FOXP1: variants seen among roughly 807,000 people sequenced by gnomAD.
The protein encoded by FOXP1 is forkhead box protein P1.
A neutral mutation model predicts 98.2 loss-of-function variants in FOXP1; 15 were observed. That is an observed-to-expected ratio of 0.15 (90% confidence interval 0.10 to 0.24). The LOEUF (loss-of-function observed/expected upper bound fraction) is 0.24, where lower values mean the gene tolerates loss of function less well. FOXP1 is among the 10% of genes least tolerant of loss of function. FOXP1 has a pLI of 1.00. For missense variants in FOXP1, 633 were observed against 848.5 expected (o/e 0.75, Z 3.15); for synonymous variants, 371 against 314.5 (o/e 1.18, Z -1.90).
At chr3:71,263,820 C>T (rs1455371504) in intron 5 of FOXP1, among the ~76,000 whole-genome samples, 1 of 151,992 alleles carries the variant, frequency 6.6e-6, no homozygotes, top group Non-Finnish European at 1.5e-5. Flanking sequence ...TCACGGCTCA[C>T]TACAGCCTCG....
intron 4 of FOXP1, among the ~76,000 whole-genome samples, chr3:71,337,266 T>C (rs2076741732): frequency 6.6e-6 from 1 of 152,222 alleles, no homozygotes; most frequent in Admixed American, 6.5e-5. Context: ...TATGTAAATA[T>C]ATACAAATAC....
At chr3:71,259,536 A>G (rs974859521) in intron 5 of FOXP1, among the ~76,000 whole-genome samples, 2 of 152,224 alleles carry the variant, frequency 1.3e-5, no homozygotes, top group African/African-American at 4.8e-5. Context: ...TCCTAAGTCT[A>G]TGATCCCTGT....
At chr3:70,989,075 A>G (rs2040208804) in intron 13 of FOXP1, among the ~76,000 whole-genome samples, 1 of 152,160 alleles carries the variant, frequency 6.6e-6, no homozygotes, top group African/African-American at 2.4e-5. Context: ...CACATAATTA[A>G]CCTTAAATCC....
Position 71,560,075 on chromosome 3 carries a change from C to G in FOXP1, c.-298+21474G>C, listed in dbSNP as rs553965028. ...AGAGATGGAAAGAGGCAGCCACCCC[C>G]TGACAACACTGTTTTAGCACCTGGC... is the stretch of plus-strand genomic sequence containing the variant. On this transcript the variant is annotated intron_variant, in intron 2 of 20. Coordinates refer to ENST00000649528, the MANE Select transcript of FOXP1 (RefSeq NM_001349338.3). Among the ~76,000 whole-genome samples the G allele has an allele frequency of 2.8e-3, 426 of 152,272 alleles. 1 individual carries two copies. Among genetic ancestry groups the G allele is most frequent in the Non-Finnish European group, 4.5e-3 (303 of 68,032 alleles).
intron 18 of FOXP1, chr3:70,971,987 A>AG: frequency 2.9e-6 from 4 of 1,360,624 alleles, no homozygotes; most frequent in Non-Finnish European, 3.8e-6. Flanking sequence ...GAAAAAAAAA[A>AG]CAAAAGCAAG....
intron 5 of FOXP1, chr3:71,296,370 G>A (rs907682233): frequency 6.6e-6 from 1 of 152,114 alleles, no homozygotes; most frequent in South Asian, 2.1e-4. Flanking sequence ...TATTCATCAG[G>A]AAGAAACGCT....
At chr3:71,160,181 G>A (rs767175416) in intron 6 of FOXP1, among the ~76,000 whole-genome samples, 2 of 151,632 alleles carry the variant, frequency 1.3e-5, no homozygotes, top group Non-Finnish European at 2.9e-5. Flanking sequence ...TGCCGTGTAT[G>A]TATTTCTTTT....
chr3:71,220,366 G>A (rs2065265550), intron 5 of FOXP1, among the ~76,000 whole-genome samples: 1 of 152,074 alleles, frequency 6.6e-6, no homozygotes, highest in Non-Finnish European at 1.5e-5. Context: ...TGAGGGAACA[G>A]GCCACTTTCA....
At chr3:71,312,803 C>T (rs542674505) in intron 4 of FOXP1, among the ~76,000 whole-genome samples, 6 of 148,518 alleles carry the variant, frequency 4.0e-5, no homozygotes, top group Non-Finnish European at 8.9e-5. Context: ...CTGGCCAACA[C>T]GGTGAAACCT....
intron 6 of FOXP1, among the ~76,000 whole-genome samples, chr3:71,167,424 A>T (rs1207044010): frequency 6.6e-6 from 1 of 152,220 alleles, no homozygotes; most frequent in Non-Finnish European, 1.5e-5. Context: ...GGCAGTATTT[A>T]AAGCGTAAGA....
At chr3:71,068,394 G>C (rs546117084) in intron 7 of FOXP1, among the ~76,000 whole-genome samples, 159 of 152,330 alleles carry the variant, frequency 1.0e-3, no homozygotes, top group African/African-American at 3.5e-3. Flanking sequence ...ATGTATTAAA[G>C]GAAGAGTCAG....
At chr3:71,346,818 G>A (rs2077394358) in intron 4 of FOXP1, among the ~76,000 whole-genome samples, 2 of 152,092 alleles carry the variant, frequency 1.3e-5, no homozygotes, top group Non-Finnish European at 2.9e-5. Flanking sequence ...GGCCGAGGCG[G>A]GTGGATCATG....
At chr3:71,208,003 T>G (rs143935766) in intron 5 of FOXP1, among the ~76,000 whole-genome samples, 1 of 152,370 alleles carries the variant, frequency 6.6e-6, no homozygotes, top group African/African-American at 2.4e-5. Context: ...AAATACATTA[T>G]GCATATTAAC....
chr3:71,107,469 C>A (rs184072722), intron 7 of FOXP1, among the ~76,000 whole-genome samples: 1 of 152,008 alleles, frequency 6.6e-6, no homozygotes, highest in East Asian at 1.9e-4. Context: ...TATTTCTTAT[C>A]GAGACTTATT....
intron 5 of FOXP1, among the ~76,000 whole-genome samples, chr3:71,199,859 C>T (rs1021515532): frequency 5.3e-5 from 8 of 151,302 alleles, no homozygotes; most frequent in Non-Finnish European, 8.8e-5. Flanking sequence ...GGGTGGATCA[C>T]GAGGTCAGGA....
chr3:71,178,242 C>A (rs2062066284), intron 6 of FOXP1, among the ~76,000 whole-genome samples: 1 of 151,552 alleles, frequency 6.6e-6, no homozygotes, highest in African/African-American at 2.4e-5. Flanking sequence ...TCAAGCAATT[C>A]CCCTGCCTCA....
intron 3 of FOXP1, among the ~76,000 whole-genome samples, chr3:71,437,243 T>C (rs1283499677): frequency 1.1e-4 from 16 of 151,986 alleles, no homozygotes; most frequent in Non-Finnish European, 2.4e-4. Flanking sequence ...CCCGTCTCTA[T>C]GAAAAACACA....
At position 70,958,631 on chromosome 3, in the gene FOXP1, GAAAA is replaced by G. The variant is rs369074999; in HGVS notation, c.*612_*615del. 185 of 98,472 alleles carry G rather than the reference GAAAA, an allele frequency of 1.9e-3. No homozygotes were observed. The highest frequency in any genetic ancestry group is 0.013 in the Middle Eastern group (4 of 310). 6.1% of individuals were successfully genotyped at this position (98,472 alleles called of 1,614,324 possible). A position where few individuals can be genotyped will look rare whatever the true frequency, so the allele number is the denominator to read the frequency against. ...AGAACTTAAAATGGTATAGTAGAAG[GAAAA>G]AAAAAAAAAAAAAAAGCAATACATT... is the stretch of plus-strand genomic sequence containing the variant. On this transcript the variant is annotated 3_prime_UTR_variant, in exon 21 of 21. Coordinates refer to ENST00000649528, the MANE Select transcript of FOXP1 (RefSeq NM_001349338.3).
rs528319234 is a variant in FOXP1 at position 71,413,259 on chromosome 3, G to GACAC, written c.-167-54019_-167-54016dup. 9.5e-3 allele frequency among the ~76,000 whole-genome samples: 614 copies of GACAC among 64,444 alleles called. 14 individuals are homozygous for GACAC. Among genetic ancestry groups the GACAC allele is most frequent in the African/African-American group, 0.03 (549 of 18,572 alleles). The allele number at this position is 64,444 out of a possible 152,430, so 42.3% of individuals were successfully genotyped here. On this transcript the variant is annotated intron_variant, in intron 3 of 20. Transcript: ENST00000649528. ...TAGACACACACACATCCCCCAAATA[G>GACAC]ACACACACACACACACACACACACA...
Sources: allele counts gnomAD v4.1 joint callset (sites outside exome capture counted in the v4.1 genomes callset), GRCh38; gene constraint gnomAD v4.1.1; transcripts MANE v1.5; gene names NCBI Gene and HGNC (gene_info 2026-07-23, HGNC 2026-07-21).